RFC4: variants seen among roughly 807,000 people sequenced by gnomAD.
The protein encoded by RFC4 is replication factor C subunit 4.
Under a neutral mutation model 47.6 loss-of-function variants are expected in RFC4, and 38 were observed. The observed-to-expected ratio is 0.80, with a 90% CI of 0.62 to 1.05. The LOEUF is 1.05. Ranked by LOEUF, RFC4 falls within the 50% of genes least tolerant of loss-of-function variation. The probability of loss-of-function intolerance (pLI) is 0.00; values close to 1 mark genes in which losing one functional copy is unlikely to be tolerated. For missense variants in RFC4, 489 were observed against 434.0 expected, an observed-to-expected ratio of 1.13 and a Z score of -1.13; for synonymous variants, 164 against 150.0, an observed-to-expected ratio of 1.09 and a Z score of -0.68.
At position 186,801,171 on chromosome 3, in the gene RFC4, A is replaced by G; in HGVS notation, c.156T>C (p.Val52=). ...EKYRPKCVDE[V]AFQEEVVAVL... ...CTGCAACCACTTCTTCCTGGAAAGC[A>G]ACTTCATCCACACATTTTGGGCGAC... is the stretch of plus-strand genomic sequence containing the variant. The change falls in exon 3 of 11, where the codon GTT becomes GTC. Residue 52 remains valine, a synonymous_variant. Coordinates refer to ENST00000296273, the MANE Select transcript of RFC4 (RefSeq NM_002916.5). 6.2e-7 allele frequency: 1 copy of G among 1,614,162 alleles called. No individual in the cohort carries two copies. Among genetic ancestry groups the G allele is most frequent in the South Asian group, 1.1e-5 (1 of 91,086 alleles).
At chr3:186,792,701 G>A in intron 6 of RFC4, 91 bp from the exon 7 acceptor site, 1 of 1,554,234 alleles carries the variant, frequency 6.4e-7, no homozygotes, top group Non-Finnish European at 8.7e-7. Context: ...AAGATTTGAT[G>A]GAGGAAAAAT....
At chr3:186,795,334 A>G (rs969784699) in intron 4 of RFC4, among the ~76,000 whole-genome samples, 3 of 152,226 alleles carry the variant, frequency 2.0e-5, no homozygotes, top group Admixed American at 6.5e-5. Context: ...TGCATTTATA[A>G]TAAGTATCTT....
chr3:186,806,157 C>T (rs1722475826), intron 1 of RFC4, 133 bp downstream of exon 1: 2 of 152,298 alleles, frequency 1.3e-5, no homozygotes, highest in Admixed American at 1.3e-4. Context: ...ACCACCATTT[C>T]ACCAAAGGGC....
chr3:186,801,106 T>C lies in RFC4; in HGVS notation c.210+11A>G. ...ATATCCCAATGACATTAAACACCAT[T>C]TGCAACTCACATCTGCTCCTTCTAA... On this transcript the variant is annotated intron_variant, in intron 3 of 10. Coordinates refer to ENST00000296273, the MANE Select transcript of RFC4 (RefSeq NM_002916.5). 1.9e-6 allele frequency: 3 copies of C among 1,599,422 alleles called. No individual in the cohort carries two copies. The highest frequency in any genetic ancestry group is 2.6e-6 in the Non-Finnish European group (3 of 1,166,576).
chr3:186,804,554 T>G, intron 2 of RFC4, 29 bp downstream of exon 2: 1 of 1,610,270 alleles, frequency 6.2e-7, no homozygotes, highest in Non-Finnish European at 8.5e-7. Flanking sequence ...ATTTATGAAT[T>G]ATTTTAACAA....
At chr3:186,798,659 C>G (rs1490693042) in intron 3 of RFC4, among the ~76,000 whole-genome samples, 2 of 152,118 alleles carry the variant, frequency 1.3e-5, no homozygotes, top group African/African-American at 2.4e-5. Flanking sequence ...TTGGCACTTT[C>G]TGGCCCGAAC....
chr3:186,795,518 GA>G (rs1560091819), intron 4 of RFC4, among the ~76,000 whole-genome samples: 1 of 152,118 alleles, frequency 6.6e-6, no homozygotes, highest in African/African-American at 2.4e-5. Context: ...TTTCCGGCCG[GA>G]TGTGGTGGCT....
chr3:186,806,126 G>A (rs918170254), intron 1 of RFC4, among the ~76,000 whole-genome samples, 164 bp downstream of exon 1: 1 of 152,230 alleles, frequency 6.6e-6, no homozygotes, highest in Non-Finnish European at 1.5e-5. Flanking sequence ...CAAAGCCGGG[G>A]CCTGCAAGAT....
chr3:186,790,976 G>A (rs140436187), intron 8 of RFC4, among the ~76,000 whole-genome samples: 1 of 152,308 alleles, frequency 6.6e-6, no homozygotes, highest in African/African-American at 2.4e-5. Context: ...GGTGAAAAAT[G>A]TCACAGAAAC....
chr3:186,792,142 A>T (rs890159029), intron 7 of RFC4, among the ~76,000 whole-genome samples: 1 of 152,198 alleles, frequency 6.6e-6, no homozygotes, highest in African/African-American at 2.4e-5. Context: ...GTTATAATGA[A>T]TAAGGGCCTT....
chr3:186,805,871 G>C (rs920613426), intron 1 of RFC4, among the ~76,000 whole-genome samples: 1 of 152,080 alleles, frequency 6.6e-6, no homozygotes, highest in Non-Finnish European at 1.5e-5. Flanking sequence ...TAGATGCTCC[G>C]TAATATTTGG....
chr3:186,798,270 C>G (rs1038285991), intron 3 of RFC4, among the ~76,000 whole-genome samples: 1 of 152,112 alleles, frequency 6.6e-6, no homozygotes, highest in African/African-American at 2.4e-5. Flanking sequence ...TTCTTTTATA[C>G]CTTGTATCTA....
Position 186,789,946 on chromosome 3 carries a change from C to A in RFC4, c.*23G>T, listed in dbSNP as rs2066502. ...TATTACAACTTCATTATTTACAAAA[C>A]CCCCCATCCAGATATATTCACGTTA... is the stretch of plus-strand genomic sequence containing the variant. On this transcript the variant is annotated 3_prime_UTR_variant, in exon 11 of 11. Transcript: ENST00000296273. 3.6e-6 allele frequency: 5 copies of A among 1,404,000 alleles called. No homozygotes were observed. The highest frequency in any genetic ancestry group is 5.0e-6 in the Non-Finnish European group (5 of 996,922). 87.0% of individuals were successfully genotyped at this position (1,404,000 alleles called of 1,614,324 possible). A position where few individuals can be genotyped will look rare whatever the true frequency, so the allele number is the denominator to read the frequency against.
rs574750748 is a variant in RFC4, at chr3:186,790,617, A to C, written c.802-211T>G. Among the ~76,000 whole-genome samples the C allele has an allele frequency of 3.9e-5, 6 of 152,322 alleles. No individual in the cohort carries two copies. In the East Asian group the frequency reaches 1.2e-3, roughly 29 times the overall value. On this transcript the variant is annotated intron_variant, in intron 8 of 10. Coordinates refer to ENST00000296273, the MANE Select transcript of RFC4 (RefSeq NM_002916.5). ...AACAACTGTGCTTTTAAAGCCCTTT[A>C]ATGGCTTTGTGAACTTCCAAGTTTG... is the stretch of plus-strand genomic sequence containing the variant.
chr3:186,790,840 G>A (rs539534405), intron 8 of RFC4, among the ~76,000 whole-genome samples: 1 of 152,222 alleles, frequency 6.6e-6, no homozygotes, highest in Admixed American at 6.5e-5. Context: ...ACAATATCCA[G>A]AAAATTAAAG....
rs780154091 is a variant in RFC4, at chr3:186,796,484, G to T, written c.290+1051C>A. 6.6e-6 allele frequency among the ~76,000 whole-genome samples: 1 copy of T among 151,446 alleles called. No individual in the cohort carries two copies. Among genetic ancestry groups the T allele is most frequent in the South Asian group, 2.1e-4 (1 of 4,816 alleles). Reference sequence around the variant, plus strand: ...TTACACATTTGGTGATTTCAGTGGCGTCTTTTTTTTTTTGAGACGGAGTCT... The same window carrying T: ...TTACACATTTGGTGATTTCAGTGGCTTCTTTTTTTTTTTGAGACGGAGTCT... On this transcript the variant is annotated intron_variant, in intron 4 of 10. Transcript: ENST00000296273. The surrounding 1 kb of genome is among the most constrained non-coding windows in gnomAD (Gnocchi z 4.2).
Position 186,789,931 on chromosome 3 carries a change from TCA to T in RFC4, c.*36_*37del. On this transcript the variant is annotated 3_prime_UTR_variant, in exon 11 of 11. Transcript: ENST00000296273. ...TGGTCATTTTATTTTTATTACAACT[TCA>T]TTATTTACAAAACCCCCCATCCAGA... 7.9e-7 allele frequency: 1 copy of T among 1,273,690 alleles called. No homozygotes were observed. Among genetic ancestry groups the T allele is most frequent in the Non-Finnish European group, 1.1e-6 (1 of 884,948 alleles). The allele number at this position is 1,273,690 out of a possible 1,614,324, so 78.9% of individuals were successfully genotyped here.
rs34281312 is a variant in RFC4 at position 186,801,710 on chromosome 3, C to CAAAA, written c.132-519_132-516dup. On this transcript the variant is annotated intron_variant, in intron 2 of 10. Coordinates refer to ENST00000296273, the MANE Select transcript of RFC4 (RefSeq NM_002916.5). The stretch of plus-strand genomic sequence containing the variant: ...TGGGTGACAGAGGGAGACTCTGTCT[C>CAAAA]AAAAAAAAAAAAAAAAAAAAAGAAA... Among the ~76,000 whole-genome samples, 614 of 72,876 alleles carry CAAAA rather than the reference C, an allele frequency of 8.4e-3. 4 individuals are homozygous for CAAAA. Among genetic ancestry groups the CAAAA allele is most frequent in the East Asian group, 0.065 (161 of 2,472 alleles). 47.8% of individuals were successfully genotyped at this position (72,876 alleles called of 152,430 possible). A position where few individuals can be genotyped will look rare whatever the true frequency, so the allele number is the denominator to read the frequency against.
chr3:186,791,580 ACT>A (rs1277364439), intron 8 of RFC4, 143 bp downstream of exon 8: 2 of 761,708 alleles, frequency 2.6e-6, no homozygotes, highest in South Asian at 1.4e-5. Context: ...CACCTCAAAC[ACT>A]CTGATACTCC....
Sources: gnomAD v4.1 joint callset for allele counts (sites outside exome capture counted in the v4.1 genomes callset) on GRCh38, gnomAD v4.1.1 for gene constraint, Gnocchi (gnomAD v3.1) non-coding constraint, MANE v1.5 for transcripts, NCBI Gene and HGNC (gene_info 2026-07-23, HGNC 2026-07-21) for gene names.